The following LMO4 variants were observed in gnomAD, a reference collection of about 807,000 sequenced individuals.
LMO4 encodes LIM domain only 4.
LMO4 carries 3 observed loss-of-function variants against 18.5 expected under a neutral mutation model. The observed-to-expected ratio is 0.16, with a 90% CI of 0.07 to 0.42. The LOEUF (loss-of-function observed/expected upper bound fraction) is 0.42. Among genes scored for constraint, LMO4 ranks in the 10% least tolerant of loss-of-function variants. The pLI is 0.99. For synonymous variants in LMO4, 100 were observed against 88.1 expected, an observed-to-expected ratio of 1.14 and a Z score of -0.76; for missense variants, 121 against 219.9, an observed-to-expected ratio of 0.55 and a Z score of 2.84.
At chr1:87,333,933 G>A (rs1253753730) in intron 2 of LMO4, among the ~76,000 whole-genome samples, 2 of 148,706 alleles carry the variant, frequency 1.3e-5, no homozygotes, top group African/African-American at 5.0e-5. Context: ...TCTCTTCTCC[G>A]AGTGCCTTCA....
chr1:87,337,885 C>T (rs1412223719), intron 2 of LMO4, among the ~76,000 whole-genome samples: 1 of 152,204 alleles, frequency 6.6e-6, no homozygotes, highest in East Asian at 1.9e-4. Flanking sequence ...TGGTGTGGTC[C>T]TGCAGCTAGA....
At chr1:87,331,231 AAC>A (rs964532604) in intron 1 of LMO4, 1 of 152,088 alleles carries the variant, frequency 6.6e-6, no homozygotes, top group Non-Finnish European at 1.5e-5. Context: ...ACCCAGAGAA[AAC>A]ACTCATTGAT....
At chr1:87,331,955 A>C in intron 1 of LMO4, 58 bp from the exon 2 acceptor site, 1 of 1,392,874 alleles carries the variant, frequency 7.2e-7, no homozygotes, top group Non-Finnish European at 1.0e-6. Context: ...GCGATTACTA[A>C]CTTTTGCATC....
chr1:87,331,853 C>A, intron 1 of LMO4, 160 bp from the exon 2 acceptor site: 1 of 594,670 alleles, frequency 1.7e-6, no homozygotes, highest in Non-Finnish European at 2.9e-6. Context: ...TCCCTTCTTC[C>A]CTCTCCCCCT....
At position 87,346,361 on chromosome 1, in the gene LMO4, C is replaced by T. The variant is rs1354812631; in HGVS notation, c.*1565C>T. 2 of 152,190 alleles carry T rather than the reference C, an allele frequency of 1.3e-5. No homozygotes were observed. Among genetic ancestry groups the T allele is most frequent in the Non-Finnish European group, 2.9e-5 (2 of 68,044 alleles). The allele number at this position is 152,190 out of a possible 1,614,324, so 9.4% of individuals were successfully genotyped here. A position where few individuals can be genotyped will look rare whatever the true frequency, so the allele number is the denominator to read the frequency against. On this transcript the variant is annotated 3_prime_UTR_variant, in exon 5 of 5. Coordinates refer to ENST00000370544, the MANE Select transcript of LMO4 (RefSeq NM_006769.4). ...ACAGCTAGTGCTGGAAGGAGGAAAA[C>T]CAAATAGGCCTGGAGGCTGAGGTTG... is the stretch of plus-strand genomic sequence containing the variant.
At chr1:87,335,109 T>G (rs2100776875) in intron 2 of LMO4, among the ~76,000 whole-genome samples, 1 of 152,056 alleles carries the variant, frequency 6.6e-6, no homozygotes, top group Non-Finnish European at 1.5e-5. Flanking sequence ...CCCCCCCATC[T>G]TACAAAAATA....
At chr1:87,334,990 C>T (rs1650260756) in intron 2 of LMO4, among the ~76,000 whole-genome samples, 1 of 136,026 alleles carries the variant, frequency 7.4e-6, no homozygotes, top group South Asian at 2.2e-4. Flanking sequence ...GCAAACAAAA[C>T]ATTTAATTAA....
chr1:87,337,504 C>T (rs1477724966), intron 2 of LMO4, among the ~76,000 whole-genome samples: 1 of 152,140 alleles, frequency 6.6e-6, no homozygotes, highest in Non-Finnish European at 1.5e-5. Flanking sequence ...GATTCTTATC[C>T]ATTAAAATAC....
chr1:87,338,598 G>A (rs1363816150), intron 2 of LMO4, among the ~76,000 whole-genome samples: 1 of 152,176 alleles, frequency 6.6e-6, no homozygotes, highest in Non-Finnish European at 1.5e-5. Context: ...TGTTGTGCTT[G>A]CAGAAGGATG....
At chr1:87,335,521 T>G (rs1432701191) in intron 2 of LMO4, among the ~76,000 whole-genome samples, 1 of 151,918 alleles carries the variant, frequency 6.6e-6, no homozygotes, top group Admixed American at 6.6e-5. Flanking sequence ...CGGGCTCCAC[T>G]CGGGCGGTTC....
In LMO4 at chr1:87,332,239, A is replaced by G. The variant is rs930494046; in HGVS notation, c.224A>G (p.Asn75Ser). 6.2e-7 allele frequency: 1 copy of G among 1,613,282 alleles called. No individual in the cohort carries two copies. The highest frequency in any genetic ancestry group is 1.3e-5 in the African/African-American group (1 of 74,920). Residue 75 changes from asparagine to serine, a missense_variant, in exon 2 of 5, where the codon AAT (asparagine) becomes AGT (serine). Transcript: ENST00000370544. The stretch of plus-strand genomic sequence containing the variant: ...AAAAGTGGCATGATCCTTTGCAGAA[A>G]TGACTACATTAGGTAAGACTTTGCT... The part of the protein sequence containing the change: ...YTKSGMILCR[N>S]DYIRLFGNSG...
At chr1:87,334,414 G>C (rs1315354497) in intron 2 of LMO4, among the ~76,000 whole-genome samples, 1 of 152,126 alleles carries the variant, frequency 6.6e-6, no homozygotes, top group South Asian at 2.1e-4. Flanking sequence ...AGCCCATCAG[G>C]ATGTCCAAAG....
At position 87,335,552 on chromosome 1, in the gene LMO4, G is replaced by GT. The variant is rs530306896; in HGVS notation, c.236+3302dup. On this transcript the variant is annotated intron_variant, in intron 2 of 4. Coordinates refer to ENST00000370544, the MANE Select transcript of LMO4 (RefSeq NM_006769.4). ...GGTTCACGTGGCGCCCGCAGCCGCA[G>GT]TGAGCCCGGCGCGGCCGGGGGTGGG... 7.5e-3 allele frequency among the ~76,000 whole-genome samples: 1,149 copies of GT among 152,202 alleles called. 21 individuals carry two copies. The highest frequency in any genetic ancestry group is 0.026 in the African/African-American group (1,094 of 41,564).
Position 87,331,625 on chromosome 1 carries a change from G to A in LMO4, c.-3-388G>A, listed in dbSNP as rs1650150029. 8 of 224,520 alleles carry A rather than the reference G, an allele frequency of 3.6e-5. No homozygotes were observed. In the South Asian group the frequency reaches 7.3e-4, roughly 20 times the overall value. The allele number at this position is 224,520 out of a possible 1,614,324, so 13.9% of individuals were successfully genotyped here. ...TGGGTTTGACCCTCATTTGCTGGAGGCGGGCGGCGGAGGAGGGGAGGAGGG... is the reference window on the plus strand; with the variant it reads ...TGGGTTTGACCCTCATTTGCTGGAGACGGGCGGCGGAGGAGGGGAGGAGGG... On this transcript the variant is annotated intron_variant, in intron 1 of 4. Coordinates refer to ENST00000370544, the MANE Select transcript of LMO4 (RefSeq NM_006769.4).
chr1:87,339,649 T>C lies in LMO4; in HGVS notation c.333+17T>C. The C allele has an allele frequency of 2.0e-6, 3 of 1,491,312 alleles. No individual in the cohort carries two copies. Among genetic ancestry groups the C allele is most frequent in the African/African-American group, 1.4e-5 (1 of 71,424 alleles). The allele number at this position is 1,491,312 out of a possible 1,614,324, so 92.4% of individuals were successfully genotyped here. On this transcript the variant is annotated intron_variant, in intron 3 of 4. Transcript: ENST00000370544. ...CATCTTAAGGTAGTATTTGCATCTC[T>C]CTTTTTTTTTTAAAAAAAAAATCAT...
At chr1:87,330,795 C>A (rs908686445) in intron 1 of LMO4, among the ~76,000 whole-genome samples, 6 of 152,174 alleles carry the variant, frequency 3.9e-5, no homozygotes, top group African/African-American at 1.4e-4. Context: ...GCTTAATTGG[C>A]AGTAAATAAC....
Position 87,348,901 on chromosome 1 carries a change from A to G in LMO4, c.*4105A>G. 1 of 426,434 alleles carries G rather than the reference A, an allele frequency of 2.3e-6. No homozygotes were observed. Among genetic ancestry groups the G allele is most frequent in the Non-Finnish European group, 4.7e-6 (1 of 212,268 alleles). The allele number at this position is 426,434 out of a possible 1,614,324, so 26.4% of individuals were successfully genotyped here. A position where few individuals can be genotyped will look rare whatever the true frequency, so the allele number is the denominator to read the frequency against. ...CATTCTATTTCCTAAATCACAACTA[A>G]TAAAGCAGAGGATGAAAATCAATTG... On this transcript the variant is annotated 3_prime_UTR_variant, in exon 5 of 5. Transcript: ENST00000370544.
chr1:87,344,257 C>T (rs560488643), intron 4 of LMO4, among the ~76,000 whole-genome samples: 1 of 152,234 alleles, frequency 6.6e-6, no homozygotes, highest in Non-Finnish European at 1.5e-5. Flanking sequence ...TTATTAAGGG[C>T]CAAGCACTGT....
In LMO4 at chr1:87,348,480, A is replaced by G; in HGVS notation, c.*3684A>G. The G allele has an allele frequency of 3.2e-6, 1 of 308,878 alleles. No individual in the cohort carries two copies. The allele number at this position is 308,878 out of a possible 1,614,324, so 19.1% of individuals were successfully genotyped here. ...AACTGCAATTAAAGTATTACTGAGC[A>G]GCCATTTTAGATTGGCAGTGCTCTG... On this transcript the variant is annotated 3_prime_UTR_variant, in exon 5 of 5. Transcript: ENST00000370544.
Sources: allele counts gnomAD v4.1 joint callset (sites outside exome capture counted in the v4.1 genomes callset), GRCh38; gene constraint gnomAD v4.1.1; transcripts MANE v1.5; gene names NCBI Gene and HGNC (gene_info 2026-07-23, HGNC 2026-07-21).